SYNPR: variants seen among roughly 807,000 people sequenced by gnomAD.
SYNPR encodes synaptoporin.
Under a neutral mutation model 32.9 loss-of-function variants are expected in SYNPR, and 23 were observed. The observed-to-expected ratio is 0.70, with a 90% CI of 0.50 to 0.99. The LOEUF is 0.99. Ranked by LOEUF, SYNPR falls within the 50% of genes least tolerant of loss-of-function variation. The pLI, the probability that SYNPR is intolerant of heterozygous loss-of-function variation, is 0.00. For synonymous variants in SYNPR, 146 were observed against 135.9 expected (o/e 1.07, Z -0.52); for missense variants, 318 against 349.3 (o/e 0.91, Z 0.71).
Position 63,445,435 on chromosome 3 carries a change from C to A in SYNPR, c.85-35397C>A, listed in dbSNP as rs1002958563. On this transcript the variant is annotated intron_variant, in intron 2 of 5. Transcript: ENST00000478300. ...TTCTGAAAGGTCCATAATATCATAA[C>A]CAGAAAATCTGTCATAATCTCTTCC... 3.9e-5 allele frequency: 24 copies of A among 616,442 alleles called. No individual in the cohort carries two copies. The African/African-American group carries it at 4.2e-4, about 11-fold the overall frequency. 38.2% of individuals were successfully genotyped at this position (616,442 alleles called of 1,614,324 possible).
At chr3:63,595,878 TA>T (rs374005044) in intron 4 of SYNPR, among the ~76,000 whole-genome samples, 2 of 76,694 alleles carry the variant, frequency 2.6e-5, no homozygotes, top group Non-Finnish European at 5.5e-5. Context: ...TATATAATTT[TA>T]TATATATATA....
chr3:63,491,805 A>G (rs959523546), intron 3 of SYNPR, among the ~76,000 whole-genome samples: 70 of 152,128 alleles, frequency 4.6e-4, no homozygotes, highest in African/African-American at 1.6e-3. Context: ...ACAGGCATGA[A>G]CCACCATGCC....
chr3:63,588,956 G>A (rs1703253188), intron 4 of SYNPR, among the ~76,000 whole-genome samples: 1 of 152,052 alleles, frequency 6.6e-6, no homozygotes, highest in Non-Finnish European at 1.5e-5. Flanking sequence ...GAAACAAGCA[G>A]TCTTCTCCTC....
intron 3 of SYNPR, among the ~76,000 whole-genome samples, chr3:63,270,896 CTT>C (rs1560174525): frequency 1.7e-3 from 90 of 52,470 alleles, no homozygotes; most frequent in African/African-American, 5.2e-3. Flanking sequence ...TCCTTCCTTC[CTT>C]TTCTTTCCTT....
At chr3:63,303,873 C>A (rs561544326) in intron 2 of SYNPR, among the ~76,000 whole-genome samples, 3 of 152,076 alleles carry the variant, frequency 2.0e-5, no homozygotes, top group Admixed American at 1.3e-4. Flanking sequence ...TCCCATAGAG[C>A]GGAATGGTCC....
chr3:63,320,038 C>A (rs1018753269), intron 2 of SYNPR, among the ~76,000 whole-genome samples: 29 of 151,994 alleles, frequency 1.9e-4, no homozygotes, highest in Admixed American at 1.3e-4. Context: ...CGGCCTCAAA[C>A]TCCTGAGCTC....
chr3:63,503,340 G>C (rs562926166), intron 3 of SYNPR, among the ~76,000 whole-genome samples: 1 of 152,038 alleles, frequency 6.6e-6, no homozygotes, highest in Admixed American at 6.6e-5. Flanking sequence ...GTGTATCCTG[G>C]ATAACAGTCC....
At chr3:63,571,944 C>A (rs1486509936) in intron 4 of SYNPR, among the ~76,000 whole-genome samples, 1 of 152,272 alleles carries the variant, frequency 6.6e-6, no homozygotes, top group East Asian at 1.9e-4. Context: ...TTTGCTATCC[C>A]TGAAGAACCA....
chr3:63,322,234 G>A (rs1430295692), intron 2 of SYNPR, among the ~76,000 whole-genome samples: 1 of 152,076 alleles, frequency 6.6e-6, no homozygotes, highest in African/African-American at 2.4e-5. Flanking sequence ...CATACAGTTT[G>A]TAAAGCACAA....
chr3:63,343,902 C>T (rs749278082), intron 2 of SYNPR, among the ~76,000 whole-genome samples: 3 of 152,200 alleles, frequency 2.0e-5, no homozygotes, highest in Non-Finnish European at 2.9e-5. Context: ...TGTTGCAATT[C>T]GTATTCTCTG....
chr3:63,408,277 G>GA (rs1553876958), intron 2 of SYNPR, among the ~76,000 whole-genome samples: 6 of 45,618 alleles, frequency 1.3e-4, no homozygotes, highest in Non-Finnish European at 2.0e-4. Flanking sequence ...AAGAAAGAAA[G>GA]AGGAAGGAAG....
chr3:63,577,151 A>T (rs558288110), intron 4 of SYNPR, among the ~76,000 whole-genome samples: 1 of 152,336 alleles, frequency 6.6e-6, no homozygotes, highest in East Asian at 1.9e-4. Flanking sequence ...TCTCAGACTC[A>T]GTTGTAAGGT....
At chr3:63,495,218 T>C (rs1575675131) in intron 3 of SYNPR, among the ~76,000 whole-genome samples, 1 of 152,238 alleles carries the variant, frequency 6.6e-6, no homozygotes, top group South Asian at 2.1e-4. Flanking sequence ...TAGAGACTGT[T>C]AAGGAGTCAC....
chr3:63,461,302 C>T (rs188033995), intron 2 of SYNPR, among the ~76,000 whole-genome samples: 2 of 152,154 alleles, frequency 1.3e-5, no homozygotes, highest in African/African-American at 4.8e-5. Flanking sequence ...TTAAAGAGAT[C>T]CACTTCCTAT....
intron 2 of SYNPR, among the ~76,000 whole-genome samples, chr3:63,296,645 T>G (rs2086793807): frequency 6.6e-6 from 1 of 152,212 alleles, no homozygotes. Context: ...ATGGGGGCAG[T>G]GGCCCATATT....
At chr3:63,207,078 T>A in the SYNPR span, among the ~76,000 whole-genome samples, 1 of 152,170 alleles carries the variant, frequency 6.6e-6, no homozygotes, top group African/African-American at 2.4e-5. Flanking sequence ...CTATTGGCAA[T>A]GTGCAGTATT....
intron 2 of SYNPR, among the ~76,000 whole-genome samples, chr3:63,425,199 G>C (rs566381886): frequency 3.9e-5 from 6 of 152,292 alleles, no homozygotes; most frequent in Admixed American, 1.3e-4. Context: ...TATCTATAGA[G>C]TAATTCACAT....
At chr3:63,355,417 A>T (rs1203638632) in intron 2 of SYNPR, among the ~76,000 whole-genome samples, 1 of 152,114 alleles carries the variant, frequency 6.6e-6, no homozygotes, top group Admixed American at 6.5e-5. Context: ...GGTCATTCAG[A>T]TTTCCAGAGC....
intron 5 of SYNPR, chr3:63,610,450 C>G (rs2106905634): frequency 1.5e-6 from 1 of 688,186 alleles, no homozygotes; most frequent in South Asian, 1.5e-5. Flanking sequence ...ATCTTTGCTT[C>G]AAGATTAACC....
Sources: gnomAD v4.1 joint callset for allele counts (sites outside exome capture counted in the v4.1 genomes callset) on GRCh38, gnomAD v4.1.1 for gene constraint, MANE v1.5 for transcripts, NCBI Gene and HGNC (gene_info 2026-07-23, HGNC 2026-07-21) for gene names.